GNA15: variants seen among roughly 807,000 people sequenced by gnomAD.
GNA15 encodes the protein G protein subunit alpha 15, also known as guanine nucleotide-binding protein subunit alpha-15.
A neutral mutation model predicts 40.1 loss-of-function variants in GNA15; 23 were observed. That is an observed-to-expected ratio of 0.57 (90% CI 0.41 to 0.81). The LOEUF (loss-of-function observed/expected upper bound fraction) is 0.81. GNA15 is among the 40% of genes least tolerant of loss of function. The probability of loss-of-function intolerance (pLI) is 0.00; values close to 1 mark genes in which losing one functional copy is unlikely to be tolerated. For missense variants in GNA15, 522 were observed against 515.8 expected (o/e 1.01, Z -0.12); for synonymous variants, 226 against 210.4 (o/e 1.07, Z -0.64).
chr19:3,156,883 T>G (rs796630029), intron 5 of GNA15, among the ~76,000 whole-genome samples: 3 of 152,246 alleles, frequency 2.0e-5, no homozygotes, highest in African/African-American at 7.2e-5. Context: ...ATTCCTCGTG[T>G]GATGGCCCTG....
In GNA15 at chr19:3,155,684, A is replaced by G. The variant is rs1420986839; in HGVS notation, c.615-139A>G. The G allele has an allele frequency of 4.2e-6, 4 of 962,206 alleles. No homozygotes were observed. Among genetic ancestry groups the G allele is most frequent in the African/African-American group, 1.6e-5 (1 of 61,262 alleles). 59.6% of individuals were successfully genotyped at this position (962,206 alleles called of 1,614,324 possible). On this transcript the variant is annotated intron_variant, in intron 4 of 6. Transcript: ENST00000262958. This position sits in a 1 kb window ranked among gnomAD's most constrained non-coding sequence, Gnocchi z 5.6. ...CTCATCCTTGCCTCGCGGGAATGAC[A>G]TGGCAAATCCACGAGAGGCTAGCAC... is the stretch of plus-strand genomic sequence containing the variant.
At chr19:3,156,856 C>T (rs114139254) in intron 5 of GNA15, among the ~76,000 whole-genome samples, 2,970 of 152,160 alleles carry the variant, frequency 0.02, 85 homozygotes, top group African/African-American at 0.068. Flanking sequence ...TACTCCAGTA[C>T]GACCTCATCT....
In GNA15 at chr19:3,144,827, C is replaced by T. The variant is rs139610583; in HGVS notation, c.146-3764C>T. On this transcript the variant is annotated intron_variant, in intron 1 of 6. Coordinates refer to ENST00000262958, the MANE Select transcript of GNA15 (RefSeq NM_002068.4). Reference sequence around the variant, plus strand: ...ACAGGCGTGAGCCACCGGGCCCGGCCCTTTATTTTTATTTTTTTTGAGACA... The same window carrying T: ...ACAGGCGTGAGCCACCGGGCCCGGCTCTTTATTTTTATTTTTTTTGAGACA... Among the ~76,000 whole-genome samples, 267 of 142,908 alleles carry T rather than the reference C, an allele frequency of 1.9e-3. No individual in the cohort carries two copies. The Middle Eastern group carries it at 0.019, about 10-fold the overall frequency. 93.8% of individuals were successfully genotyped at this position (142,908 alleles called of 152,430 possible).
Position 3,151,678 on chromosome 19 carries a change from G to C in GNA15, c.486-29G>C, listed in dbSNP as rs11671393. The C allele has an allele frequency of 0.039, 60,211 of 1,546,572 alleles. 1,548 individuals are homozygous for C. Among genetic ancestry groups the C allele is most frequent in the East Asian group, 0.15 (6,258 of 41,900 alleles). On this transcript the variant is annotated intron_variant, in intron 3 of 6. Transcript: ENST00000262958. The surrounding 1 kb of genome is among the most constrained non-coding windows in gnomAD (Gnocchi z 5.0). ...GAAGCAAAGGGAGGCTGGCTGCAAGGCTGGGCCTCAGGACTCCTTGCTCTG... is the reference window on the plus strand; with the variant it reads ...GAAGCAAAGGGAGGCTGGCTGCAAGCCTGGGCCTCAGGACTCCTTGCTCTG...
chr19:3,160,589 G>A (rs1915119306), intron 6 of GNA15, among the ~76,000 whole-genome samples: 1 of 152,206 alleles, frequency 6.6e-6, no homozygotes, highest in African/African-American at 2.4e-5. Context: ...CATACAGGGA[G>A]GGAAGGAAGT....
intron 1 of GNA15, among the ~76,000 whole-genome samples, chr19:3,145,074 C>T (rs1914679166): frequency 1.3e-5 from 2 of 151,840 alleles, no homozygotes; most frequent in South Asian, 2.1e-4. Context: ...AGGCTGGTCT[C>T]GAACTCCTGA....
chr19:3,138,515 G>C (rs1350459324), intron 1 of GNA15, among the ~76,000 whole-genome samples: 2 of 152,230 alleles, frequency 1.3e-5, no homozygotes, highest in Non-Finnish European at 2.9e-5. Flanking sequence ...TCCTTTCCTC[G>C]TTCAGTGGGA....
intron 4 of GNA15, among the ~76,000 whole-genome samples, chr19:3,152,201 G>A (rs1329017648): frequency 6.6e-6 from 1 of 152,154 alleles, no homozygotes; most frequent in Non-Finnish European, 1.5e-5. Context: ...CCTGGTCTGG[G>A]GAGCTCAGAG....
intron 3 of GNA15, 31 bp downstream of exon 3, chr19:3,150,316 G>A: frequency 2.6e-6 from 4 of 1,513,286 alleles, no homozygotes; most frequent in South Asian, 1.3e-5. Context: ...GGATGGGCGC[G>A]TGGGGAGGGG....
At chr19:3,160,030 C>T (rs55788734) in intron 6 of GNA15, among the ~76,000 whole-genome samples, 26,134 of 152,172 alleles carry the variant, frequency 0.17, 2,555 homozygotes, top group Non-Finnish European at 0.22. Context: ...TGCTTAGCTA[C>T]TGCCGAGTAA....
intron 1 of GNA15, among the ~76,000 whole-genome samples, chr19:3,138,405 C>T (rs565097139): frequency 2.0e-5 from 3 of 152,344 alleles, no homozygotes; most frequent in South Asian, 2.1e-4. Context: ...CTGGGATCCC[C>T]GAGCTCTGGG....
intron 3 of GNA15, among the ~76,000 whole-genome samples, 190 bp downstream of exon 3, chr19:3,150,475 T>TG (rs2144853790): frequency 6.6e-6 from 1 of 152,044 alleles, no homozygotes; most frequent in East Asian, 1.9e-4. Context: ...ACCCTTTTCC[T>TG]GGGGGAACTC....
intron 6 of GNA15, 48 bp from the exon 7 acceptor site, chr19:3,162,745 G>C: frequency 7.6e-7 from 1 of 1,320,166 alleles, no homozygotes; most frequent in South Asian, 1.2e-5. Flanking sequence ...AGGCCCCCTG[G>C]GTCCAAAGAG....
At position 3,144,242 on chromosome 19, in the gene GNA15, C is replaced by T. The variant is rs537991369; in HGVS notation, c.146-4349C>T. 5.9e-5 allele frequency among the ~76,000 whole-genome samples: 9 copies of T among 152,078 alleles called. 1 individual carries two copies. The South Asian group carries it at 1.9e-3, about 32-fold the overall frequency. Reference sequence around the variant, plus strand: ...GTCAAGGGCCAGCAAGCTCACAATTCCCTCTGCTACTAGCCCCAAATAGCC... The same window carrying T: ...GTCAAGGGCCAGCAAGCTCACAATTTCCTCTGCTACTAGCCCCAAATAGCC... On this transcript the variant is annotated intron_variant, in intron 1 of 6. Coordinates refer to ENST00000262958, the MANE Select transcript of GNA15 (RefSeq NM_002068.4).
At chr19:3,144,819 G>C (rs12461116) in intron 1 of GNA15, among the ~76,000 whole-genome samples, 58,186 of 147,168 alleles carry the variant, frequency 0.4, 11,145 homozygotes, top group Admixed American at 0.47. Context: ...TGAGCCACCG[G>C]GCCCGGCCCT....
intron 5 of GNA15, among the ~76,000 whole-genome samples, chr19:3,157,090 C>T (rs1212303826): frequency 2.6e-5 from 4 of 151,932 alleles, no homozygotes; most frequent in African/African-American, 7.3e-5. Context: ...CTCCGCCTCC[C>T]GGGTTCAAGC....
chr19:3,152,518 T>A (rs1255645796), intron 4 of GNA15, among the ~76,000 whole-genome samples: 7 of 152,058 alleles, frequency 4.6e-5, no homozygotes, highest in African/African-American at 1.7e-4. Context: ...CTAGGGGGAC[T>A]CCACCTTAGC....
intron 1 of GNA15, among the ~76,000 whole-genome samples, chr19:3,138,542 G>A (rs1177910639): frequency 6.6e-6 from 1 of 152,244 alleles, no homozygotes; most frequent in African/African-American, 2.4e-5. Flanking sequence ...CGCCCGAGAG[G>A]AAAGAGAGAG....
chr19:3,140,051 C>CTATCTATCTATCTATCTATCTATGTATG lies in GNA15; in HGVS notation c.145+3479_145+3480insGTATGTATCTATCTATCTATCTATCTAT, dbSNP rs1568292382. Among the ~76,000 whole-genome samples the CTATCTATCTATCTATCTATCTATGTATG allele has an allele frequency of 1.7e-4, 25 of 148,762 alleles. No homozygotes were observed. The East Asian group carries it at 5.0e-3, about 30-fold the overall frequency. On this transcript the variant is annotated intron_variant, in intron 1 of 6. Transcript: ENST00000262958. Reference sequence around the variant, plus strand: ...TCCATCTCAAAAAAAAAAAATCTATCTATCTATCTATCTATCTATCTATCT... The same window carrying CTATCTATCTATCTATCTATCTATGTATG: ...TCCATCTCAAAAAAAAAAAATCTATCTATCTATCTATCTATCTATCTATGTATGTATCTATCTATCTATCTATCTATCT...
Sources: allele counts gnomAD v4.1 joint callset (sites outside exome capture counted in the v4.1 genomes callset), GRCh38; gene constraint gnomAD v4.1.1; non-coding constraint Gnocchi (gnomAD v3.1); transcripts MANE v1.5; gene names NCBI Gene and HGNC (gene_info 2026-07-23, HGNC 2026-07-21).